Variants in CYP4X1 observed in about 807,000 individuals in gnomAD.
The protein encoded by CYP4X1 is cytochrome P450 family 4 subfamily X member 1, also known as cytochrome P450 4X1.
A neutral mutation model predicts 57.9 loss-of-function variants in CYP4X1; 44 were observed. The observed-to-expected ratio is 0.76, with a 90% CI of 0.60 to 0.98. The LOEUF (loss-of-function observed/expected upper bound fraction) is 0.98. Ranked by LOEUF, CYP4X1 falls within the 50% of genes least tolerant of loss-of-function variation. CYP4X1 has a pLI of 0.00. For synonymous variants in CYP4X1, 227 were observed against 228.6 expected (o/e 0.99, Z 0.06); for missense variants, 532 against 623.9 (o/e 0.85, Z 1.57).
chr1:47,052,214 T>A (rs1198524615), downstream of CYP4X1, among the ~76,000 whole-genome samples: 1 of 152,290 alleles, frequency 6.6e-6, no homozygotes, highest in East Asian at 1.9e-4. Context: ...AATTTCCTAA[T>A]AATTATTATA....
chr1:47,030,988 C>T (rs935997988), intron 2 of CYP4X1, among the ~76,000 whole-genome samples: 1 of 152,154 alleles, frequency 6.6e-6, no homozygotes, highest in Non-Finnish European at 1.5e-5. Context: ...GTCATGTTCA[C>T]CTGTTAAGGA....
At chr1:46,991,101 T>C in the CYP4X1 span, among the ~76,000 whole-genome samples, 1 of 151,220 alleles carries the variant, frequency 6.6e-6, no homozygotes, top group Non-Finnish European at 1.5e-5. Context: ...TGCACCTCAA[T>C]CAGCACTGGA....
At chr1:46,973,883 C>T in the CYP4X1 span, among the ~76,000 whole-genome samples, 2 of 151,876 alleles carry the variant, frequency 1.3e-5, no homozygotes, top group Non-Finnish European at 2.9e-5. Context: ...ATTTTGTTTT[C>T]ATTGATCTTT....
At chr1:46,976,819 C>T in the CYP4X1 span, among the ~76,000 whole-genome samples, 82 of 152,270 alleles carry the variant, frequency 5.4e-4, 1 homozygote, top group South Asian at 6.2e-4. Context: ...GCTGGTGATA[C>T]CCAGGCAAAC....
chr1:47,002,813 T>C, the CYP4X1 span, among the ~76,000 whole-genome samples: 2 of 152,248 alleles, frequency 1.3e-5, no homozygotes, highest in Non-Finnish European at 2.9e-5. Flanking sequence ...TTGTGATATG[T>C]GGACTATTGG....
the CYP4X1 span, among the ~76,000 whole-genome samples, chr1:46,972,498 T>G: frequency 1.3e-5 from 2 of 152,214 alleles, no homozygotes; most frequent in East Asian, 3.8e-4. Flanking sequence ...TTGATAGGAA[T>G]AGCATTGAAT....
At chr1:47,038,567 C>A in intron 6 of CYP4X1, 93 bp from the exon 7 acceptor site, 3 of 870,438 alleles carry the variant, frequency 3.4e-6, no homozygotes, top group Non-Finnish European at 5.2e-6. Flanking sequence ...GGAAATCAGG[C>A]AAGATTTGAA....
rs533297358 is a variant in CYP4X1 at position 47,035,730 on chromosome 1, C to A, written c.493-76C>A. 4 of 1,536,232 alleles carry A rather than the reference C, an allele frequency of 2.6e-6. No individual in the cohort carries two copies. The South Asian group carries it at 5.2e-5, about 20-fold the overall frequency. On this transcript the variant is annotated intron_variant, in intron 4 of 11. Transcript: ENST00000371901. ...TCTCCATTAGATCATAAAAACAGGG[C>A]CAGGCAGGAGCCTTCAAATGAAGGC... is the stretch of plus-strand genomic sequence containing the variant.
chr1:47,010,777 A>C, the CYP4X1 span, among the ~76,000 whole-genome samples: 1 of 152,192 alleles, frequency 6.6e-6, no homozygotes. Context: ...ACAGACAGAG[A>C]GCCAAATCAT....
the CYP4X1 span, among the ~76,000 whole-genome samples, chr1:47,017,780 C>T: frequency 7.8e-3 from 1,185 of 152,232 alleles, 7 homozygotes; most frequent in Middle Eastern, 0.041. Flanking sequence ...GGCAAGTTGT[C>T]CCACCTTTCC....
downstream of CYP4X1, among the ~76,000 whole-genome samples, chr1:47,051,182 T>TA (rs1420703709): frequency 6.6e-6 from 1 of 152,146 alleles, no homozygotes; most frequent in Non-Finnish European, 1.5e-5. Flanking sequence ...CACAATGAGA[T>TA]ACCATCTCAC....
At chr1:47,021,193 G>A (rs1251131784), upstream of CYP4X1, among the ~76,000 whole-genome samples, 1 of 132,260 alleles carries the variant, frequency 7.6e-6, no homozygotes, top group Non-Finnish European at 1.6e-5. Context: ...CTCTGTTTTT[G>A]GCCTCCAGAA....
chr1:46,981,837 A>G, the CYP4X1 span, among the ~76,000 whole-genome samples: 1 of 152,242 alleles, frequency 6.6e-6, no homozygotes, highest in Non-Finnish European at 1.5e-5. Context: ...TTGTATGGAC[A>G]TAGATGAAGC....
chr1:47,038,231 A>C (rs1272647948), intron 6 of CYP4X1, among the ~76,000 whole-genome samples: 1 of 152,192 alleles, frequency 6.6e-6, no homozygotes, highest in Non-Finnish European at 1.5e-5. Flanking sequence ...TTTAAATAGT[A>C]AATAAATATT....
At chr1:47,017,467 T>C in the CYP4X1 span, among the ~76,000 whole-genome samples, 1 of 144,420 alleles carries the variant, frequency 6.9e-6, no homozygotes, top group Non-Finnish European at 1.5e-5. Context: ...AAAAGACACA[T>C]AGGGCAGGGG....
At chr1:46,997,735 C>T in the CYP4X1 span, among the ~76,000 whole-genome samples, 517 of 152,214 alleles carry the variant, frequency 3.4e-3, 4 homozygotes, top group South Asian at 0.019. Context: ...GGGATTGTTG[C>T]GTTTAATGGT....
Position 47,024,010 on chromosome 1 carries a change from G to C in CYP4X1, c.177+16G>C. The C allele has an allele frequency of 6.2e-7, 1 of 1,606,712 alleles. No homozygotes were observed. Among genetic ancestry groups the C allele is most frequent in the South Asian group, 1.1e-5 (1 of 90,462 alleles). ...GCACCAGAAGGTAGATGGGAGGGAG[G>C]AGGGAGGAAGGAGGAGGGAGGGGCG... On this transcript the variant is annotated intron_variant, in intron 1 of 11. Transcript: ENST00000371901.
chr1:46,981,278 T>C, the CYP4X1 span, among the ~76,000 whole-genome samples: 1 of 151,786 alleles, frequency 6.6e-6, no homozygotes, highest in African/African-American at 2.4e-5. Context: ...CATAAACAAA[T>C]TTACAAGAAA....
At chr1:47,019,267 T>A (rs1309399471), upstream of CYP4X1, among the ~76,000 whole-genome samples, 1 of 152,200 alleles carries the variant, frequency 6.6e-6, no homozygotes, top group Non-Finnish European at 1.5e-5. Context: ...TTATCTTGTC[T>A]CCTGCTAAAT....
Sources: gnomAD v4.1 joint callset for allele counts (sites outside exome capture counted in the v4.1 genomes callset) on GRCh38, gnomAD v4.1.1 for gene constraint, MANE v1.5 for transcripts, NCBI Gene and HGNC (gene_info 2026-07-23, HGNC 2026-07-21) for gene names.